Variants in LIMS1 observed in about 807,000 individuals in gnomAD.
LIMS1 encodes LIM zinc finger domain containing 1, also known as LIM and senescent cell antigen-like-containing domain protein 1.
A neutral mutation model predicts 44.1 loss-of-function variants in LIMS1; 18 were observed. That is an observed-to-expected ratio of 0.41 (90% CI 0.28 to 0.61). The LOEUF (loss-of-function observed/expected upper bound fraction) is 0.61, where lower values mean the gene tolerates loss of function less well. Among genes scored for constraint, LIMS1 ranks in the 20% least tolerant of loss-of-function variants. The pLI is 0.32. For missense variants in LIMS1, 201 were observed against 422.0 expected, an observed-to-expected ratio of 0.48 and a Z score of 4.59; for synonymous variants, 93 against 149.1, an observed-to-expected ratio of 0.62 and a Z score of 2.74.
At chr2:108,650,667 C>G (rs1248499609) in intron 1 of LIMS1, among the ~76,000 whole-genome samples, 3 of 152,064 alleles carry the variant, frequency 2.0e-5, no homozygotes, top group Non-Finnish European at 4.4e-5. Flanking sequence ...CTCAGGTGAT[C>G]CACCCGCCTC....
intron 1 of LIMS1, among the ~76,000 whole-genome samples, chr2:108,537,858 T>A (rs1052284955): frequency 2.2e-4 from 34 of 152,172 alleles, no homozygotes; most frequent in Non-Finnish European, 5.9e-5. Flanking sequence ...TTGGAGCCCC[T>A]CCACTGGGTC....
intron 1 of LIMS1, among the ~76,000 whole-genome samples, chr2:108,652,310 G>C (rs1220438537): frequency 6.6e-6 from 1 of 152,290 alleles, no homozygotes; most frequent in South Asian, 2.1e-4. Flanking sequence ...CCTTCAGCGG[G>C]TGAACAGTGA....
At chr2:108,611,893 C>T (rs1279993658) in intron 1 of LIMS1, among the ~76,000 whole-genome samples, 1 of 96,664 alleles carries the variant, frequency 1.0e-5, no homozygotes, top group Non-Finnish European at 2.3e-5. Context: ...AATATATACA[C>T]ACATATATAA....
chr2:108,641,914 A>G (rs1689693516), intron 1 of LIMS1, among the ~76,000 whole-genome samples: 1 of 152,180 alleles, frequency 6.6e-6, no homozygotes, highest in Admixed American at 6.6e-5. Context: ...CATTATCTTT[A>G]CTTGCATGTC....
chr2:108,617,067 G>GT (rs1209150400), intron 1 of LIMS1, among the ~76,000 whole-genome samples: 1 of 152,140 alleles, frequency 6.6e-6, no homozygotes, highest in African/African-American at 2.4e-5. Flanking sequence ...GCCTGGAAAT[G>GT]TACAGCTGCT....
intron 1 of LIMS1, among the ~76,000 whole-genome samples, chr2:108,586,065 G>A (rs1018879209): frequency 6.6e-6 from 1 of 152,122 alleles, no homozygotes; most frequent in Non-Finnish European, 1.5e-5. Flanking sequence ...TGTGGAGGGT[G>A]CCTGTAGTCC....
chr2:108,576,001 C>T (rs1685658967), intron 1 of LIMS1, among the ~76,000 whole-genome samples: 1 of 152,154 alleles, frequency 6.6e-6, no homozygotes, highest in Non-Finnish European at 1.5e-5. Flanking sequence ...CTTTCTATAC[C>T]TGGGAGTGGG....
intron 1 of LIMS1, among the ~76,000 whole-genome samples, chr2:108,541,722 GTTCA>G: frequency 6.6e-6 from 1 of 152,116 alleles, no homozygotes; most frequent in African/African-American, 2.4e-5. Flanking sequence ...CCTCAGTGCT[GTTCA>G]TGCCCTTCTC....
Position 108,675,988 on chromosome 2 carries a change from G to GGCGC in LIMS1, c.643_646dup (p.Val216AlafsTer21). The GGCGC allele has an allele frequency of 6.2e-7, 1 of 1,614,016 alleles. No homozygotes were observed. The highest frequency in any genetic ancestry group is 8.5e-7 in the Non-Finnish European group (1 of 1,179,926). On this transcript the variant is annotated frameshift_variant, in exon 6 of 10. Transcript: ENST00000544547. LOFTEE classifies it high-confidence loss of function. ...GGTGCTTGCCGACGGCCCATCGAAGGGCGCGTGGTGAACGCTATGGGCAAG... is the reference window on the plus strand; with the variant it reads ...GGTGCTTGCCGACGGCCCATCGAAGGGCGCGCGCGTGGTGAACGCTATGGGCAAG...
chr2:108,676,073 A>G (rs930029423), intron 6 of LIMS1, 45 bp downstream of exon 6: 6 of 1,564,476 alleles, frequency 3.8e-6, no homozygotes, highest in South Asian at 1.2e-5. Flanking sequence ...TCAAATCTCC[A>G]TGATTAAGGG....
chr2:108,592,758 C>G (rs146894158), intron 1 of LIMS1, among the ~76,000 whole-genome samples: 9 of 152,258 alleles, frequency 5.9e-5, no homozygotes, highest in African/African-American at 2.2e-4. Flanking sequence ...TGATTTTGAA[C>G]AAATTATTTA....
chr2:108,622,691 G>GC (rs1189331862), intron 1 of LIMS1, among the ~76,000 whole-genome samples: 2 of 152,092 alleles, frequency 1.3e-5, no homozygotes, highest in Non-Finnish European at 2.9e-5. Context: ...GCTCTATATT[G>GC]CTAACCAGAT....
intron 1 of LIMS1, among the ~76,000 whole-genome samples, chr2:108,592,063 T>G (rs1267505148): frequency 6.6e-6 from 1 of 152,048 alleles, no homozygotes; most frequent in Non-Finnish European, 1.5e-5. Context: ...CCAAAGTGCT[T>G]GGATTACAGG....
At chr2:108,542,994 C>A (rs1404626604) in intron 1 of LIMS1, among the ~76,000 whole-genome samples, 5 of 152,232 alleles carry the variant, frequency 3.3e-5, no homozygotes, top group Non-Finnish European at 5.9e-5. Context: ...TGGAACACAT[C>A]TTTCAATACA....
At chr2:108,547,187 T>C (rs1684508574) in intron 1 of LIMS1, among the ~76,000 whole-genome samples, 1 of 152,212 alleles carries the variant, frequency 6.6e-6, no homozygotes, top group Non-Finnish European at 1.5e-5. Context: ...TGTTAAACTT[T>C]TCAGTTGCTG....
intron 1 of LIMS1, among the ~76,000 whole-genome samples, chr2:108,566,477 C>G (rs1046033375): frequency 6.6e-6 from 1 of 152,186 alleles, no homozygotes; most frequent in Non-Finnish European, 1.5e-5. Flanking sequence ...TGCCCAGGGC[C>G]ACACAGTAGG....
intron 1 of LIMS1, among the ~76,000 whole-genome samples, chr2:108,563,309 G>A (rs1685186895): frequency 6.6e-6 from 1 of 152,204 alleles, no homozygotes; most frequent in African/African-American, 2.4e-5. Context: ...GCTGCAGATG[G>A]TGATTCCTCT....
intron 2 of LIMS1, chr2:108,660,268 A>G: frequency 8.5e-6 from 4 of 468,590 alleles, no homozygotes; most frequent in South Asian, 4.7e-5. Flanking sequence ...AAAAAAAATA[A>G]GTATTTTAGG....
chr2:108,550,444 A>G (rs1047526465), intron 1 of LIMS1, among the ~76,000 whole-genome samples: 1 of 151,594 alleles, frequency 6.6e-6, no homozygotes, highest in African/African-American at 2.4e-5. Context: ...GCTTGCAGTG[A>G]GCCAAGATCA....
Sources: allele counts gnomAD v4.1 joint callset (sites outside exome capture counted in the v4.1 genomes callset), GRCh38; gene constraint gnomAD v4.1.1; transcripts MANE v1.5; gene names NCBI Gene and HGNC (gene_info 2026-07-23, HGNC 2026-07-21).